Variants in MAOA observed in about 807,000 individuals in gnomAD.
The protein encoded by MAOA is monoamine oxidase A.
In MAOA, 6 loss-of-function variants were observed where a neutral mutation model predicts 42.0. The observed-to-expected ratio is 0.14, with a 90% CI of 0.08 to 0.28. The LOEUF is 0.28. Ranked by LOEUF, MAOA falls within the 10% of genes least tolerant of loss-of-function variation. The pLI, the probability that MAOA is intolerant of heterozygous loss-of-function variation, is 1.00. For missense variants in MAOA, 262 were observed against 422.3 expected (o/e 0.62, Z 3.33); for synonymous variants, 140 against 154.0 (o/e 0.91, Z 0.67).
chrX:43,721,045 A>G (rs1196723356), intron 5 of MAOA, among the ~76,000 whole-genome samples: 1 of 111,021 alleles, frequency 9.0e-6, no homozygotes, highest in Admixed American at 9.6e-5. Flanking sequence ...GGAGTAGGGG[A>G]TAGACAGGAA....
chrX:43,733,150 G>A (rs182577339), intron 9 of MAOA, among the ~76,000 whole-genome samples: 10 of 111,739 alleles, frequency 8.9e-5, no homozygotes, highest in East Asian at 8.4e-4. Flanking sequence ...AGAACTAACC[G>A]CTTTATTCTA....
Position 43,676,302 on chromosome X carries a change from G to A in MAOA, c.74-7211G>A, listed in dbSNP as rs184053403. 6.4e-3 allele frequency among the ~76,000 whole-genome samples: 718 copies of A among 111,978 alleles called. 8 individuals carry two copies. The highest frequency in any genetic ancestry group is 0.022 in the African/African-American group (694 of 30,893). On this transcript the variant is annotated intron_variant, in intron 1 of 14. Transcript: ENST00000338702. ...CGTTTTTTAAGCCCGTCAGAAAAGCGCAGTATTAGGGTGGGAGTGACCCGA... is the reference window on the plus strand; with the variant it reads ...CGTTTTTTAAGCCCGTCAGAAAAGCACAGTATTAGGGTGGGAGTGACCCGA...
In MAOA at chrX:43,744,656, G is replaced by C. The variant is rs1309003823; in HGVS notation, c.*143G>C. 4.8e-6 allele frequency: 3 copies of C among 627,771 alleles called. No homozygotes were observed. The highest frequency in any genetic ancestry group is 7.6e-6 in the Non-Finnish European group (3 of 394,494). 51.7% of individuals were successfully genotyped at this position (627,771 alleles called of 1,213,427 possible). ...TGGCTTAATTCCAATCATTGTTAAA[G>C]TAAAAACAATTCAAAGAATCACCTA... is the stretch of plus-strand genomic sequence containing the variant. On this transcript the variant is annotated 3_prime_UTR_variant, in exon 15 of 15. Coordinates refer to ENST00000338702, the MANE Select transcript of MAOA (RefSeq NM_000240.4).
At chrX:43,734,295 A>G (rs1315803565) in intron 9 of MAOA, among the ~76,000 whole-genome samples, 1 of 110,774 alleles carries the variant, frequency 9.0e-6, no homozygotes, top group East Asian at 2.8e-4. Flanking sequence ...AGTACAGAAG[A>G]TGAGAGTTTC....
chrX:43,723,351 C>T (rs1366294058), intron 5 of MAOA, among the ~76,000 whole-genome samples: 1 of 111,393 alleles, frequency 9.0e-6, no homozygotes, highest in Non-Finnish European at 1.9e-5. Context: ...TGTTTGTGCC[C>T]TCTTTTATTG....
At chrX:43,699,217 C>T (rs1362033503) in intron 3 of MAOA, among the ~76,000 whole-genome samples, 1 of 111,808 alleles carries the variant, frequency 8.9e-6, no homozygotes, top group South Asian at 3.7e-4. Context: ...GACCTGAATG[C>T]CAAGTGGATT....
chrX:43,707,515 A>G (rs1045306516), intron 3 of MAOA, among the ~76,000 whole-genome samples: 13 of 111,975 alleles, frequency 1.2e-4, no homozygotes, highest in Admixed American at 1.1e-3. Context: ...CTTTTTCTAG[A>G]TAGAGTGAAG....
chrX:43,731,083 A>G (rs977017806), intron 6 of MAOA, among the ~76,000 whole-genome samples, 158 bp from the exon 7 acceptor site: 1 of 111,707 alleles, frequency 9.0e-6, no homozygotes, highest in African/African-American at 3.3e-5. Context: ...GTCTTGGTCA[A>G]CTCTGCCTCT....
intron 5 of MAOA, among the ~76,000 whole-genome samples, chrX:43,725,781 A>G (rs2033828060): frequency 8.9e-6 from 1 of 111,820 alleles, no homozygotes; most frequent in Non-Finnish European, 1.9e-5. Context: ...GGTCTTTACA[A>G]TTTGGCATGT....
intron 3 of MAOA, among the ~76,000 whole-genome samples, chrX:43,707,221 G>A (rs1186806975): frequency 9.0e-6 from 1 of 111,255 alleles, no homozygotes; most frequent in African/African-American, 3.3e-5. Context: ...GAGGGGTCTT[G>A]GGGAACTAGG....
At chrX:43,726,950 G>GA (rs981584045) in intron 5 of MAOA, among the ~76,000 whole-genome samples, 2 of 111,388 alleles carry the variant, frequency 1.8e-5, no homozygotes, top group Non-Finnish European at 1.9e-5. Context: ...AAGTCTGTTG[G>GA]AGTTTGCTGG....
intron 2 of MAOA, 94 bp downstream of exon 2, chrX:43,683,701 G>A: frequency 2.8e-6 from 2 of 716,718 alleles, no homozygotes; most frequent in East Asian, 6.6e-5. Context: ...GGTCTTAAGA[G>A]TTCATGCAGT....
At chrX:43,735,367 C>T (rs577803307) in intron 9 of MAOA, among the ~76,000 whole-genome samples, 17 of 112,254 alleles carry the variant, frequency 1.5e-4, no homozygotes, top group African/African-American at 5.5e-4. Context: ...CTTCATGTCA[C>T]AATTCAATTC....
intron 1 of MAOA, among the ~76,000 whole-genome samples, chrX:43,659,161 C>T (rs1414199373): frequency 8.9e-6 from 1 of 111,887 alleles, no homozygotes; most frequent in African/African-American, 3.2e-5. Context: ...AAATAACTCT[C>T]TACACAGAGA....
intron 3 of MAOA, among the ~76,000 whole-genome samples, chrX:43,698,931 C>T (rs1319679556): frequency 9.0e-6 from 1 of 111,439 alleles, no homozygotes; most frequent in Non-Finnish European, 1.9e-5. Flanking sequence ...GATATTTTTA[C>T]ACTTGATCTT....
intron 1 of MAOA, among the ~76,000 whole-genome samples, chrX:43,665,917 T>C (rs773611156): frequency 8.9e-6 from 1 of 112,089 alleles, no homozygotes; most frequent in Non-Finnish European, 1.9e-5. Flanking sequence ...TGTTGTCTTC[T>C]GCCAAAAAGC....
chrX:43,732,195 G>A lies in MAOA; in HGVS notation c.955+342G>A, dbSNP rs188031157. ...TTGAAGTTACACATTCCGGGACTTCGCTTGCTTGCTAGCATCAGTCTGTAG... is the reference window on the plus strand; with the variant it reads ...TTGAAGTTACACATTCCGGGACTTCACTTGCTTGCTAGCATCAGTCTGTAG... On this transcript the variant is annotated intron_variant, in intron 8 of 14. Coordinates refer to ENST00000338702, the MANE Select transcript of MAOA (RefSeq NM_000240.4). Among the ~76,000 whole-genome samples, 11 of 111,710 alleles carry A rather than the reference G, an allele frequency of 9.8e-5. No homozygotes were observed. In the East Asian group the frequency reaches 1.1e-3, roughly 12 times the overall value.
Position 43,742,033 on chromosome X carries a change from G to T in MAOA, c.1248G>T (p.Met416Ile). 1 of 1,211,474 alleles carries T rather than the reference G, an allele frequency of 8.3e-7. No homozygotes were observed. Among genetic ancestry groups the T allele is most frequent in the Non-Finnish European group, 1.1e-6 (1 of 895,491 alleles). The change falls in exon 12 of 15, where the codon ATG becomes ATT. Residue 416 changes from methionine to isoleucine, a missense_variant. Transcript: ENST00000338702. ...CGGCCTACTTCCCTCCTGGGATCATGACTCAATATGGAAGGTATTACGCAA... is the reference window on the plus strand; with the variant it reads ...CGGCCTACTTCCCTCCTGGGATCATTACTCAATATGGAAGGTATTACGCAA... Reference protein sequence around the residue: ...CYTAYFPPGIMTQYGRVIRQP... With the variant: ...CYTAYFPPGIITQYGRVIRQP...
intron 3 of MAOA, among the ~76,000 whole-genome samples, chrX:43,700,745 CTTA>C (rs975417899): frequency 1.4e-4 from 16 of 112,251 alleles, no homozygotes; most frequent in African/African-American, 4.9e-4. Flanking sequence ...TCCATGTAAA[CTTA>C]TTATTCAAAG....
Sources: gnomAD v4.1 joint callset for allele counts (sites outside exome capture counted in the v4.1 genomes callset) on GRCh38, gnomAD v4.1.1 for gene constraint, MANE v1.5 for transcripts, NCBI Gene and HGNC (gene_info 2026-07-23, HGNC 2026-07-21) for gene names.